NAALADL2: variants seen among roughly 807,000 people sequenced by gnomAD.
NAALADL2 encodes the protein N-acetylated alpha-linked acidic dipeptidase like 2.
NAALADL2 carries 76 observed loss-of-function variants against 87.2 expected under a neutral mutation model. The observed-to-expected ratio is 0.87, with a 90% confidence interval of 0.72 to 1.05. The LOEUF is 1.05. Ranked by LOEUF, NAALADL2 falls within the 50% of genes least tolerant of loss-of-function variation. NAALADL2 has a pLI of 0.00. For synonymous variants in NAALADL2, 354 were observed against 331.0 expected (o/e 1.07, Z -0.75); for missense variants, 1,089 against 945.8 (o/e 1.15, Z -1.99).
intron 4 of NAALADL2, among the ~76,000 whole-genome samples, chr3:175,265,659 T>A (rs1751802130): frequency 6.6e-6 from 1 of 151,542 alleles, no homozygotes; most frequent in Non-Finnish European, 1.5e-5. Flanking sequence ...ATTGGAAATT[T>A]AATATCTGTT....
chr3:175,200,182 A>G (rs1739814854), intron 2 of NAALADL2, among the ~76,000 whole-genome samples: 1 of 151,872 alleles, frequency 6.6e-6, no homozygotes, highest in Non-Finnish European at 1.5e-5. Flanking sequence ...ATTATTTTAC[A>G]TGACTCAGTG....
chr3:175,000,255 G>A (rs917046048), intron 1 of NAALADL2, among the ~76,000 whole-genome samples: 6 of 152,302 alleles, frequency 3.9e-5, no homozygotes, highest in Non-Finnish European at 8.8e-5. Flanking sequence ...ATTGCATAAT[G>A]TCAGTACAGT....
At chr3:174,611,169 G>A (rs974925463) in intron 2 of NAALADL2, among the ~76,000 whole-genome samples, 1 of 138,030 alleles carries the variant, frequency 7.2e-6, no homozygotes. Context: ...CTGTTGTGAG[G>A]TGGGGGGAGG....
intron 5 of NAALADL2, among the ~76,000 whole-genome samples, chr3:175,376,216 G>A (rs547062645): frequency 2.0e-5 from 3 of 151,912 alleles, no homozygotes; most frequent in South Asian, 2.1e-4. Flanking sequence ...ATTTCTTTTC[G>A]TATCTCTGAA....
chr3:174,848,348 C>T (rs930476976), intron 3 of NAALADL2, among the ~76,000 whole-genome samples: 1 of 151,974 alleles, frequency 6.6e-6, no homozygotes, highest in African/African-American at 2.4e-5. Context: ...TTAGTTTTTT[C>T]CCCTTGAGTA....
intron 2 of NAALADL2, among the ~76,000 whole-genome samples, chr3:174,572,048 A>G (rs1714991104): frequency 6.6e-6 from 1 of 152,208 alleles, no homozygotes; most frequent in Non-Finnish European, 1.5e-5. Flanking sequence ...CCGGACAAGG[A>G]AAATATTACA....
At chr3:175,715,540 A>G (rs532504979) in intron 11 of NAALADL2, among the ~76,000 whole-genome samples, 22 of 152,232 alleles carry the variant, frequency 1.4e-4, no homozygotes, top group African/African-American at 5.1e-4. Flanking sequence ...ATAATTGATC[A>G]AAGAATGTTA....
At chr3:175,049,566 G>T (rs1045563403) in intron 1 of NAALADL2, among the ~76,000 whole-genome samples, 3 of 152,178 alleles carry the variant, frequency 2.0e-5, no homozygotes, top group Non-Finnish European at 4.4e-5. Flanking sequence ...ATTTGAGACT[G>T]TAGCACCATG....
At chr3:175,301,544 A>G (rs1401990239) in intron 4 of NAALADL2, among the ~76,000 whole-genome samples, 1 of 152,210 alleles carries the variant, frequency 6.6e-6, no homozygotes, top group Non-Finnish European at 1.5e-5. Context: ...TGAATATGAA[A>G]ACTCATACTA....
chr3:174,663,399 A>G (rs1725686498), intron 2 of NAALADL2, among the ~76,000 whole-genome samples: 1 of 152,156 alleles, frequency 6.6e-6, no homozygotes, highest in Non-Finnish European at 1.5e-5. Flanking sequence ...AAAGAGGTTT[A>G]TTTGGCTTCC....
intron 1 of NAALADL2, among the ~76,000 whole-genome samples, chr3:175,012,166 A>G (rs1347960580): frequency 1.3e-5 from 2 of 151,968 alleles, no homozygotes; most frequent in Non-Finnish European, 2.9e-5. Flanking sequence ...GAATTATTTT[A>G]TTTATTTATT....
chr3:175,218,557 C>G (rs527925263), intron 2 of NAALADL2, among the ~76,000 whole-genome samples: 1 of 152,170 alleles, frequency 6.6e-6, no homozygotes, highest in Non-Finnish European at 1.5e-5. Flanking sequence ...ACCTAGAGGT[C>G]TCCCACTTGT....
In NAALADL2 at chr3:175,279,099, C is replaced by A. The variant is rs368387608; in HGVS notation, c.939+22569C>A. On this transcript the variant is annotated intron_variant, in intron 4 of 13. Coordinates refer to ENST00000454872, the MANE Select transcript of NAALADL2 (RefSeq NM_207015.3). ...TGCAAATCTACCAGAGCAATTAGAG[C>A]TGTATTTTGTTCAAAGAAGTAGATG... 2.2e-4 allele frequency among the ~76,000 whole-genome samples: 33 copies of A among 152,178 alleles called. No individual in the cohort carries two copies. In the South Asian group the frequency reaches 6.4e-3, roughly 30 times the overall value.
chr3:175,109,973 C>T (rs1723893172), intron 2 of NAALADL2, among the ~76,000 whole-genome samples: 1 of 151,824 alleles, frequency 6.6e-6, no homozygotes, highest in Non-Finnish European at 1.5e-5. Flanking sequence ...AGCATCACTG[C>T]TCCATTCCTA....
At chr3:175,584,357 T>A (rs6803592) in intron 10 of NAALADL2, among the ~76,000 whole-genome samples, 17,309 of 152,094 alleles carry the variant, frequency 0.11, 2,470 homozygotes, top group African/African-American at 0.33. Flanking sequence ...ACTTTTATTA[T>A]AGATGAGGAA....
At chr3:175,665,064 C>G (rs1732767306) in intron 11 of NAALADL2, among the ~76,000 whole-genome samples, 1 of 152,048 alleles carries the variant, frequency 6.6e-6, no homozygotes, top group East Asian at 1.9e-4. Flanking sequence ...AGTAATTTGC[C>G]CAAAGATCAT....
chr3:175,182,056 C>T (rs1054785030), intron 2 of NAALADL2, among the ~76,000 whole-genome samples: 2 of 151,884 alleles, frequency 1.3e-5, no homozygotes, highest in South Asian at 2.1e-4. Flanking sequence ...TCCTCACCAA[C>T]ACTTATCTTT....
intron 5 of NAALADL2, among the ~76,000 whole-genome samples, chr3:175,394,159 G>A (rs1397257650): frequency 6.6e-6 from 1 of 152,030 alleles, no homozygotes; most frequent in East Asian, 1.9e-4. Context: ...TTTTACTTTG[G>A]TTATCATTGA....
intron 5 of NAALADL2, among the ~76,000 whole-genome samples, chr3:175,407,543 A>G (rs1440809632): frequency 1.3e-5 from 2 of 152,294 alleles, no homozygotes; most frequent in East Asian, 1.9e-4. Context: ...ATACATTTCT[A>G]TAATGCAATG....
Sources: allele counts gnomAD v4.1 joint callset (sites outside exome capture counted in the v4.1 genomes callset), GRCh38; gene constraint gnomAD v4.1.1; transcripts MANE v1.5; gene names NCBI Gene and HGNC (gene_info 2026-07-23, HGNC 2026-07-21).